The following FHIT variants were observed in gnomAD, a reference collection of about 807,000 sequenced individuals.
FHIT encodes the protein fragile histidine triad diadenosine triphosphatase.
In FHIT, 19 loss-of-function variants were observed where a neutral mutation model predicts 17.9. The ratio of observed to expected loss-of-function variants is 1.06; its 90% CI spans 0.74 to 1.56. The LOEUF (loss-of-function observed/expected upper bound fraction) is 1.56. FHIT is among the 40% of genes most tolerant of loss of function. FHIT has a pLI of 0.00. For missense variants in FHIT, 248 were observed against 189.2 expected, an observed-to-expected ratio of 1.31 and a Z score of -1.82; for synonymous variants, 81 against 69.7, an observed-to-expected ratio of 1.16 and a Z score of -0.81.
chr3:59,844,972 T>C lies in FHIT; in HGVS notation c.348+77374A>G, dbSNP rs572909752. On this transcript the variant is annotated intron_variant, in intron 8 of 9. Transcript: ENST00000492590. ...ATTACTGATCACTGATTTAATCTCC[T>C]TACTAGTTTTAGGTCTATTCAGTGT... is the stretch of plus-strand genomic sequence containing the variant. Among the ~76,000 whole-genome samples, 4 of 152,320 alleles carry C rather than the reference T, an allele frequency of 2.6e-5. No individual in the cohort carries two copies. The East Asian group carries it at 7.7e-4, about 29-fold the overall frequency.
intron 5 of FHIT, among the ~76,000 whole-genome samples, chr3:60,271,037 T>C (rs1004628584): frequency 6.6e-6 from 1 of 152,206 alleles, no homozygotes; most frequent in African/African-American, 2.4e-5. Flanking sequence ...CAGAGGAATC[T>C]ACATAACAGT....
intron 5 of FHIT, among the ~76,000 whole-genome samples, chr3:60,441,783 AATATATATATAT>A (rs71092605): frequency 8.4e-5 from 2 of 23,946 alleles, no homozygotes; most frequent in African/African-American, 1.5e-4. Flanking sequence ...TATGTATAAA[AATATATATATAT>A]ATATATATAT....
At chr3:59,965,805 C>CTGT (rs1707899538) in intron 7 of FHIT, among the ~76,000 whole-genome samples, 8 of 152,092 alleles carry the variant, frequency 5.3e-5, no homozygotes, top group Non-Finnish European at 1.2e-4. Context: ...ATCCTTTTAT[C>CTGT]AACAAATGAA....
chr3:60,267,220 C>T (rs1276091584), intron 5 of FHIT, among the ~76,000 whole-genome samples: 1 of 151,730 alleles, frequency 6.6e-6, no homozygotes, highest in South Asian at 2.1e-4. Context: ...CTAAAATAAT[C>T]AGTTTAAAAG....
chr3:60,526,669 G>T (rs1000177475), intron 5 of FHIT, among the ~76,000 whole-genome samples: 2 of 152,128 alleles, frequency 1.3e-5, no homozygotes, highest in South Asian at 4.1e-4. Context: ...AAGATGAGAA[G>T]CAAGCACTCT....
At chr3:60,786,754 T>C (rs1484638719) in intron 4 of FHIT, among the ~76,000 whole-genome samples, 4 of 152,210 alleles carry the variant, frequency 2.6e-5, no homozygotes, top group African/African-American at 9.6e-5. Flanking sequence ...ACCAGTGCTT[T>C]GCACAGGGCC....
intron 4 of FHIT, among the ~76,000 whole-genome samples, chr3:60,727,606 T>C (rs782681278): frequency 4.6e-5 from 7 of 152,222 alleles, no homozygotes; most frequent in Non-Finnish European, 8.8e-5. Flanking sequence ...GTAAAGTTCA[T>C]CCAAAAGATC....
intron 7 of FHIT, among the ~76,000 whole-genome samples, chr3:59,945,275 T>A (rs1432173412): frequency 7.2e-5 from 11 of 152,224 alleles, no homozygotes; most frequent in Admixed American, 7.2e-4. Context: ...TAATGATTAG[T>A]GATGTTGAGC....
intron 5 of FHIT, among the ~76,000 whole-genome samples, chr3:60,456,403 G>T (rs1218851771): frequency 6.6e-6 from 1 of 152,122 alleles, no homozygotes; most frequent in Non-Finnish European, 1.5e-5. Context: ...CTTTCATGCT[G>T]ACTTCAGACA....
chr3:60,453,667 C>G (rs774153867), intron 5 of FHIT, among the ~76,000 whole-genome samples: 9 of 152,156 alleles, frequency 5.9e-5, no homozygotes, highest in Non-Finnish European at 1.0e-4. Flanking sequence ...TCTTCACCAC[C>G]TGGAAAATGG....
At chr3:60,302,162 A>G (rs917320159) in intron 5 of FHIT, among the ~76,000 whole-genome samples, 1 of 152,098 alleles carries the variant, frequency 6.6e-6, no homozygotes, top group African/African-American at 2.4e-5. Context: ...TGCTGTTTTT[A>G]TGTTTTCCTT....
intron 4 of FHIT, among the ~76,000 whole-genome samples, chr3:60,610,141 C>T (rs2038740036): frequency 6.6e-6 from 1 of 152,114 alleles, no homozygotes; most frequent in Non-Finnish European, 1.5e-5. Flanking sequence ...CACTTCCACT[C>T]CCCTCCTAAT....
intron 3 of FHIT, among the ~76,000 whole-genome samples, chr3:60,922,134 G>T (rs1259371415): frequency 1.3e-5 from 2 of 152,166 alleles, no homozygotes; most frequent in African/African-American, 4.8e-5. Context: ...AAGCTCACCT[G>T]CCATGGTGGG....
intron 5 of FHIT, among the ~76,000 whole-genome samples, chr3:60,020,013 A>T (rs1327197654): frequency 1.3e-5 from 2 of 152,184 alleles, no homozygotes; most frequent in Admixed American, 6.5e-5. Context: ...TGAGCAGTCA[A>T]CACCAGTGAG....
At chr3:59,992,412 G>C (rs936898984) in intron 7 of FHIT, among the ~76,000 whole-genome samples, 1 of 152,010 alleles carries the variant, frequency 6.6e-6, no homozygotes, top group African/African-American at 2.4e-5. Context: ...CAATTTGTAG[G>C]ATATTTCAAT....
intron 5 of FHIT, among the ~76,000 whole-genome samples, chr3:60,343,364 AAGAT>A (rs1226559500): frequency 2.0e-5 from 3 of 152,126 alleles, no homozygotes; most frequent in Admixed American, 2.0e-4. Context: ...AGCAGTCTCT[AAGAT>A]AGAACTATAG....
chr3:60,530,353 A>T (rs368814474), intron 5 of FHIT, among the ~76,000 whole-genome samples: 1 of 152,290 alleles, frequency 6.6e-6, no homozygotes, highest in East Asian at 1.9e-4. Context: ...TGTCACCTTC[A>T]TTTTGAAGGG....
At chr3:60,124,501 G>C (rs796616584) in intron 5 of FHIT, among the ~76,000 whole-genome samples, 44 of 152,206 alleles carry the variant, frequency 2.9e-4, no homozygotes, top group African/African-American at 1.0e-3. Flanking sequence ...CTTCAAGTCA[G>C]CTCCATTATC....
chr3:60,115,986 CTTTA>C (rs1370640005), intron 5 of FHIT, among the ~76,000 whole-genome samples: 1 of 152,102 alleles, frequency 6.6e-6, no homozygotes, highest in Non-Finnish European at 1.5e-5. Context: ...TAACTCTTCT[CTTTA>C]TTTCTCTCCA....
Sources: allele counts gnomAD v4.1 joint callset (sites outside exome capture counted in the v4.1 genomes callset), GRCh38; gene constraint gnomAD v4.1.1; transcripts MANE v1.5; gene names NCBI Gene and HGNC (gene_info 2026-07-23, HGNC 2026-07-21).